CHST11: variants seen among roughly 807,000 people sequenced by gnomAD.
CHST11 encodes carbohydrate sulfotransferase 11, also known as C4S-1.
In CHST11, 9 loss-of-function variants were observed where a neutral mutation model predicts 30.4. The ratio of observed to expected loss-of-function variants is 0.30; its 90% CI spans 0.18 to 0.52. The LOEUF (loss-of-function observed/expected upper bound fraction) is 0.52, where lower values mean the gene tolerates loss of function less well. Among genes scored for constraint, CHST11 ranks in the 20% least tolerant of loss-of-function variants. CHST11 has a pLI of 0.97. For synonymous variants in CHST11, 152 were observed against 187.8 expected (o/e 0.81, Z 1.56); for missense variants, 348 against 460.6 (o/e 0.76, Z 2.24).
chr12:104,608,313 C>T (rs2039026319), intron 2 of CHST11, among the ~76,000 whole-genome samples: 2 of 152,134 alleles, frequency 1.3e-5, no homozygotes, highest in Admixed American at 6.5e-5. Context: ...ATGTATCTGC[C>T]TTTCTTCACA....
At chr12:104,516,713 G>A (rs1047228888) in intron 1 of CHST11, among the ~76,000 whole-genome samples, 7 of 152,036 alleles carry the variant, frequency 4.6e-5, no homozygotes, top group African/African-American at 1.7e-4. Context: ...CCCCTAGGAT[G>A]AGTTGATACC....
At chr12:104,579,786 C>A (rs2038721828) in intron 1 of CHST11, among the ~76,000 whole-genome samples, 1 of 152,216 alleles carries the variant, frequency 6.6e-6, no homozygotes, top group African/African-American at 2.4e-5. Flanking sequence ...TTGTATCCCA[C>A]AGATGGAAGG....
intron 1 of CHST11, among the ~76,000 whole-genome samples, chr12:104,550,904 G>A (rs1299937105): frequency 2.0e-5 from 3 of 152,116 alleles, no homozygotes; most frequent in East Asian, 1.9e-4. Flanking sequence ...TGTGTTAGCC[G>A]GCTGGCTAAA....
chr12:104,645,721 A>C (rs1029883444), intron 2 of CHST11, among the ~76,000 whole-genome samples: 2 of 149,638 alleles, frequency 1.3e-5, no homozygotes, highest in Non-Finnish European at 3.0e-5. Context: ...ACAAGATTAG[A>C]GCTTTATTAA....
intron 2 of CHST11, among the ~76,000 whole-genome samples, chr12:104,650,034 A>G (rs1477943464): frequency 2.6e-5 from 4 of 152,232 alleles, no homozygotes; most frequent in Non-Finnish European, 5.9e-5. Flanking sequence ...AGATGGATGG[A>G]TGAGAGAAGG....
chr12:104,620,515 C>T (rs748898608), intron 2 of CHST11, among the ~76,000 whole-genome samples: 2 of 152,154 alleles, frequency 1.3e-5, no homozygotes, highest in South Asian at 2.1e-4. Context: ...GCTGATTTAG[C>T]GCTGTTTTCA....
At chr12:104,583,224 T>G (rs905362754) in intron 1 of CHST11, among the ~76,000 whole-genome samples, 2 of 152,182 alleles carry the variant, frequency 1.3e-5, no homozygotes, top group African/African-American at 4.8e-5. Context: ...ATCTTTACTT[T>G]AAGATGAAAC....
intron 2 of CHST11, among the ~76,000 whole-genome samples, chr12:104,617,875 C>T (rs758418074): frequency 6.6e-6 from 1 of 151,998 alleles, no homozygotes. Context: ...GCTAGCAGTA[C>T]ACAGTCAAAT....
In CHST11 at chr12:104,631,855, T is replaced by C. The variant is rs534651712; in HGVS notation, c.204+29864T>C. Reference sequence around the variant, plus strand: ...GGAGCCACGGCACAGGTTGCACAACTACGAAGCTGGGCCTCCCTGCTCCCC... The same window carrying C: ...GGAGCCACGGCACAGGTTGCACAACCACGAAGCTGGGCCTCCCTGCTCCCC... On this transcript the variant is annotated intron_variant, in intron 2 of 2. Coordinates refer to ENST00000303694, the MANE Select transcript of CHST11 (RefSeq NM_018413.6). 2.6e-5 allele frequency among the ~76,000 whole-genome samples: 4 copies of C among 152,300 alleles called. No individual in the cohort carries two copies. In the East Asian group the frequency reaches 7.7e-4, roughly 29 times the overall value.
intron 2 of CHST11, among the ~76,000 whole-genome samples, chr12:104,641,082 C>A (rs1186043583): frequency 6.6e-6 from 1 of 152,100 alleles, no homozygotes; most frequent in African/African-American, 2.4e-5. Context: ...AGAGATGAGT[C>A]CAATCGGGGA....
intron 1 of CHST11, among the ~76,000 whole-genome samples, chr12:104,542,744 C>T (rs1276981886): frequency 6.6e-6 from 1 of 152,134 alleles, no homozygotes; most frequent in Non-Finnish European, 1.5e-5. Flanking sequence ...CCTTTTAGTG[C>T]CTTTTGGTTT....
chr12:104,620,596 A>G (rs2039150165), intron 2 of CHST11, among the ~76,000 whole-genome samples: 1 of 152,226 alleles, frequency 6.6e-6, no homozygotes, highest in Non-Finnish European at 1.5e-5. Flanking sequence ...GAAGCATTGC[A>G]AGGAATGGAA....
chr12:104,648,176 G>T (rs181114770), intron 2 of CHST11, among the ~76,000 whole-genome samples: 1 of 152,106 alleles, frequency 6.6e-6, no homozygotes, highest in Non-Finnish European at 1.5e-5. Flanking sequence ...TGCAATAATT[G>T]CTTCTTCACC....
intron 2 of CHST11, among the ~76,000 whole-genome samples, chr12:104,674,101 TG>T (rs1304576238): frequency 3.9e-5 from 6 of 151,980 alleles, no homozygotes; most frequent in African/African-American, 1.2e-4. Context: ...CATTTCAGAC[TG>T]CGGTCCCAGA....
intron 2 of CHST11, among the ~76,000 whole-genome samples, chr12:104,627,287 A>G (rs76461958): frequency 0.027 from 4,094 of 152,280 alleles, 178 homozygotes; most frequent in South Asian, 0.084. Flanking sequence ...TTAAGAATAA[A>G]GCTGCTCTAA....
chr12:104,520,725 CA>C (rs2135987855), intron 1 of CHST11, among the ~76,000 whole-genome samples: 1 of 152,268 alleles, frequency 6.6e-6, no homozygotes, highest in Non-Finnish European at 1.5e-5. Flanking sequence ...AAATCTGTCC[CA>C]GGCTCACAGC....
intron 1 of CHST11, among the ~76,000 whole-genome samples, chr12:104,576,887 G>C (rs1786543236): frequency 6.6e-6 from 1 of 152,202 alleles, no homozygotes; most frequent in African/African-American, 2.4e-5. Flanking sequence ...GCCATTAAGG[G>C]ATGGAGGAGG....
chr12:104,540,553 G>A (rs1159758253), intron 1 of CHST11, among the ~76,000 whole-genome samples: 2 of 152,196 alleles, frequency 1.3e-5, no homozygotes, highest in African/African-American at 4.8e-5. Context: ...TGGGCCACAA[G>A]GGCACATCCC....
At chr12:104,659,574 C>T (rs1253896160) in intron 2 of CHST11, among the ~76,000 whole-genome samples, 1 of 151,828 alleles carries the variant, frequency 6.6e-6, no homozygotes, top group Non-Finnish European at 1.5e-5. Flanking sequence ...AGAATAAGTA[C>T]CAAAAAATGT....
Sources: gnomAD v4.1 joint callset for allele counts (sites outside exome capture counted in the v4.1 genomes callset) on GRCh38, gnomAD v4.1.1 for gene constraint, MANE v1.5 for transcripts, NCBI Gene and HGNC (gene_info 2026-07-23, HGNC 2026-07-21) for gene names.